The following PARL variants were observed in gnomAD, a reference collection of about 807,000 sequenced individuals.
PARL encodes presenilin-associated rhomboid-like protein, mitochondrial.
In PARL, 44 loss-of-function variants were observed where a neutral mutation model predicts 51.6. The ratio of observed to expected loss-of-function variants is 0.85; its 90% CI spans 0.67 to 1.10. The LOEUF (loss-of-function observed/expected upper bound fraction) is 1.10, where lower values mean the gene tolerates loss of function less well. Among genes scored for constraint, PARL ranks in the 50% least tolerant of loss-of-function variants. PARL has a pLI of 0.00. For synonymous variants in PARL, 172 were observed against 164.0 expected (o/e 1.05, Z -0.37); for missense variants, 441 against 469.5 (o/e 0.94, Z 0.56).
At chr3:183,878,338 TC>T (rs1170435382) in intron 1 of PARL, among the ~76,000 whole-genome samples, 1 of 152,104 alleles carries the variant, frequency 6.6e-6, no homozygotes, top group East Asian at 1.9e-4. Context: ...ATGCTACCGA[TC>T]AAACTAAGCC....
Position 183,829,570 on chromosome 3 carries a change from G to A in PARL, c.*28C>T. ...TGGGGCTCTCAGGCGGCAAGGACCA[G>A]ATGCACCACTACTGTCCAATCCCAG... is the stretch of plus-strand genomic sequence containing the variant. On this transcript the variant is annotated 3_prime_UTR_variant, in exon 10 of 10. Coordinates refer to ENST00000317096, the MANE Select transcript of PARL (RefSeq NM_018622.7). 6.2e-7 allele frequency: 1 copy of A among 1,614,218 alleles called. No homozygotes were observed. The highest frequency in any genetic ancestry group is 8.5e-7 in the Non-Finnish European group (1 of 1,180,030).
intron 9 of PARL, 89 bp from the exon 10 acceptor site, chr3:183,829,798 T>A (rs997543586): frequency 3.5e-5 from 36 of 1,019,470 alleles, no homozygotes; most frequent in South Asian, 2.7e-4. Context: ...TTGACATTTT[T>A]AAAATCGAAT....
intron 1 of PARL, among the ~76,000 whole-genome samples, chr3:183,869,936 C>T (rs1438074208): frequency 2.0e-5 from 3 of 151,934 alleles, no homozygotes; most frequent in Non-Finnish European, 2.9e-5. Context: ...CATTTTCTGA[C>T]GTACTCTTTC....
chr3:183,840,858 G>A (rs1052208565), intron 6 of PARL, among the ~76,000 whole-genome samples: 3 of 151,822 alleles, frequency 2.0e-5, no homozygotes, highest in African/African-American at 7.3e-5. Context: ...ACAGGCGTGC[G>A]GCACCACATC....
chr3:183,859,058 G>A (rs1193626663), intron 4 of PARL, among the ~76,000 whole-genome samples: 3 of 152,144 alleles, frequency 2.0e-5, no homozygotes, highest in African/African-American at 4.8e-5. Flanking sequence ...TGTAATCCCA[G>A]CACTTTGGGA....
At chr3:183,839,328 A>C (rs923351116) in intron 7 of PARL, among the ~76,000 whole-genome samples, 3 of 152,198 alleles carry the variant, frequency 2.0e-5, no homozygotes, top group African/African-American at 4.8e-5. Flanking sequence ...TACAAACTGA[A>C]TGTGTAAGGA....
chr3:183,830,502 G>C (rs1727813950), intron 9 of PARL, among the ~76,000 whole-genome samples: 1 of 152,218 alleles, frequency 6.6e-6, no homozygotes, highest in African/African-American at 2.4e-5. Context: ...ACTGGGGGTA[G>C]AGAAAGGCTT....
intron 3 of PARL, among the ~76,000 whole-genome samples, chr3:183,863,314 T>A (rs1577354531): frequency 6.6e-6 from 1 of 151,578 alleles, no homozygotes; most frequent in South Asian, 2.1e-4. Flanking sequence ...ATTTTATGCA[T>A]GAAATACGTC....
At chr3:183,874,068 A>C (rs1471352988) in intron 1 of PARL, among the ~76,000 whole-genome samples, 2 of 152,226 alleles carry the variant, frequency 1.3e-5, no homozygotes, top group Non-Finnish European at 2.9e-5. Flanking sequence ...TTTTTCCAAC[A>C]GCATGCGCTC....
intron 4 of PARL, among the ~76,000 whole-genome samples, chr3:183,862,008 C>T (rs2095056796): frequency 6.6e-6 from 1 of 152,128 alleles, no homozygotes. Flanking sequence ...CTCCTGAGCT[C>T]AAGGAATCCG....
intron 1 of PARL, among the ~76,000 whole-genome samples, chr3:183,884,233 A>G (rs964764744): frequency 1.3e-5 from 2 of 152,224 alleles, no homozygotes; most frequent in Admixed American, 1.3e-4. Context: ...CAATTCAACA[A>G]TAAAGCCTCT....
intron 4 of PARL, chr3:183,862,524 G>C (rs544507926): frequency 4.0e-6 from 2 of 503,202 alleles, no homozygotes; most frequent in Admixed American, 3.3e-5. Flanking sequence ...CAACAAAACT[G>C]ATCAATCAGT....
At chr3:183,858,420 T>G (rs972339730) in intron 4 of PARL, among the ~76,000 whole-genome samples, 1 of 151,976 alleles carries the variant, frequency 6.6e-6, no homozygotes, top group Non-Finnish European at 1.5e-5. Flanking sequence ...GACTGGAGAG[T>G]AGTAGTGACT....
intron 4 of PARL, among the ~76,000 whole-genome samples, chr3:183,856,803 G>C (rs1450888497): frequency 6.6e-6 from 1 of 152,216 alleles, no homozygotes; most frequent in Non-Finnish European, 1.5e-5. Context: ...TCTGTACATT[G>C]TTGGAGGACA....
intron 1 of PARL, among the ~76,000 whole-genome samples, chr3:183,875,415 CAAA>C (rs61316689): frequency 5.0e-5 from 3 of 60,138 alleles, no homozygotes; most frequent in Admixed American, 2.5e-4. Context: ...ACTCTGTCTC[CAAA>C]AAAAAAAAAA....
chr3:183,840,704 C>CTT, intron 6 of PARL, 64 bp from the exon 7 acceptor site: 14 of 747,442 alleles, frequency 1.9e-5, no homozygotes, highest in East Asian at 8.6e-5. Flanking sequence ...TTTTTTTTTT[C>CTT]TTTTCTTTTT....
intron 6 of PARL, among the ~76,000 whole-genome samples, chr3:183,841,333 A>G (rs747255257): frequency 1.3e-5 from 2 of 152,212 alleles, no homozygotes; most frequent in Non-Finnish European, 2.9e-5. Context: ...AGCCAAACAC[A>G]ATGCTCAGCT....
intron 5 of PARL, chr3:183,843,206 A>G: frequency 1.0e-6 from 1 of 984,948 alleles, no homozygotes; most frequent in Non-Finnish European, 1.2e-6. Context: ...TTTAAAAGTG[A>G]CAAAAAGCTG....
Position 183,862,705 on chromosome 3 carries a change from T to G in PARL, c.511+48A>C, listed in dbSNP as rs777213338. On this transcript the variant is annotated intron_variant, in intron 4 of 9. Transcript: ENST00000317096. The stretch of plus-strand genomic sequence containing the variant: ...CTTGTGACATACTGTACCTTTTGGT[T>G]TGATTTCTCTTCCCTTGAATGGTTA... 1.2e-5 allele frequency: 18 copies of G among 1,499,938 alleles called. No homozygotes were observed. The South Asian group carries it at 2.0e-4, about 17-fold the overall frequency. 92.9% of individuals were successfully genotyped at this position (1,499,938 alleles called of 1,614,324 possible). A position where few individuals can be genotyped will look rare whatever the true frequency, so the allele number is the denominator to read the frequency against.
Sources: gnomAD v4.1 joint callset for allele counts (sites outside exome capture counted in the v4.1 genomes callset) on GRCh38, gnomAD v4.1.1 for gene constraint, MANE v1.5 for transcripts, NCBI Gene and HGNC (gene_info 2026-07-23, HGNC 2026-07-21) for gene names.